The following DOCK4 variants were observed in gnomAD, a reference collection of about 807,000 sequenced individuals.
DOCK4 encodes dedicator of cytokinesis protein 4.
A neutral mutation model predicts 268.1 loss-of-function variants in DOCK4; 97 were observed. The observed-to-expected ratio is 0.36, with a 90% CI of 0.31 to 0.43. DOCK4 has a LOEUF of 0.43. DOCK4 is among the 20% of genes least tolerant of loss of function. The pLI is 1.00. For synonymous variants in DOCK4, 954 were observed against 887.2 expected, an observed-to-expected ratio of 1.08 and a Z score of -1.34; for missense variants, 2,145 against 2,455.7, an observed-to-expected ratio of 0.87 and a Z score of 2.67.
chr7:111,828,690 A>G (rs111902834), intron 26 of DOCK4, among the ~76,000 whole-genome samples: 1,589 of 152,186 alleles, frequency 0.01, 31 homozygotes, highest in African/African-American at 0.036. Context: ...GTCCACAGAA[A>G]GAGGTGTATC....
In DOCK4 at chr7:111,769,625, C is replaced by A. The variant is rs1223800270; in HGVS notation, c.3732G>T (p.Arg1244=). The change falls in exon 37 of 53, where the codon CGG becomes CGT. Residue 1244 remains arginine, a synonymous_variant. Coordinates refer to ENST00000428084, the MANE Select transcript of DOCK4 (RefSeq NM_001363540.2). ...GGTAGGTCAGGAACTCCCTGAGGGG[C>A]CGATCAGACCATTCCAGTAGCTCGT... The part of the protein sequence containing the change: ...LYDELLEWSD[R]PLREFLTYPM... The A allele has an allele frequency of 1.9e-6, 3 of 1,613,664 alleles. No individual in the cohort carries two copies. Among genetic ancestry groups the A allele is most frequent in the Non-Finnish European group, 2.5e-6 (3 of 1,179,836 alleles).
chr7:111,814,216 T>C (rs1344318248), intron 27 of DOCK4, among the ~76,000 whole-genome samples: 1 of 152,218 alleles, frequency 6.6e-6, no homozygotes, highest in South Asian at 2.1e-4. Flanking sequence ...AATTGTTATT[T>C]ACATGGTGGA....
intron 44 of DOCK4, among the ~76,000 whole-genome samples, chr7:111,742,462 C>T (rs547327608): frequency 6.6e-6 from 1 of 152,208 alleles, no homozygotes; most frequent in South Asian, 2.1e-4. Context: ...TTCCTTCTCT[C>T]CCCAGGGTGG....
chr7:111,941,933 C>T (rs1346601612), intron 10 of DOCK4, among the ~76,000 whole-genome samples: 1 of 152,220 alleles, frequency 6.6e-6, no homozygotes, highest in African/African-American at 2.4e-5. Context: ...AAACCTCCAC[C>T]TGACTCATGT....
At chr7:111,763,064 A>C (rs1035550653) in intron 39 of DOCK4, among the ~76,000 whole-genome samples, 1 of 151,680 alleles carries the variant, frequency 6.6e-6, no homozygotes, top group Non-Finnish European at 1.5e-5. Flanking sequence ...TACCGTGCCC[A>C]GCTAAATAAC....
Position 111,736,962 on chromosome 7 carries a change from C to G in DOCK4, c.5260G>C (p.Gly1754Arg). The G allele has an allele frequency of 6.2e-7, 1 of 1,604,778 alleles. No individual in the cohort carries two copies. The highest frequency in any genetic ancestry group is 8.5e-7 in the Non-Finnish European group (1 of 1,175,648). ...QRMLFNHIGDGALPRSDPNLS... is the reference protein window; with the variant it reads ...QRMLFNHIGDRALPRSDPNLS... ...TTTGGGTCACTGCGTGGCAAGGCCC[C>G]GTCTCCAATATGATTAAACAGCATC... The change falls in exon 50 of 53, where the codon GGG (glycine) becomes CGG (arginine). Residue 1754 changes from glycine to arginine, a missense_variant. Around this residue, in one of 2 missense-constraint regions of DOCK4, gnomAD observed 547 missense variants for 469.0 expected, o/e 1.17. Transcript: ENST00000428084.
Position 111,872,494 on chromosome 7 carries a change from TTTTAA to T in DOCK4, c.1810_1814del (p.Leu604ArgfsTer3). 2 of 1,601,380 alleles carry T rather than the reference TTTTAA, an allele frequency of 1.2e-6. No homozygotes were observed. Among genetic ancestry groups the T allele is most frequent in the Non-Finnish European group, 1.7e-6 (2 of 1,173,022 alleles). On this transcript the variant is annotated frameshift_variant, in exon 18 of 53. Coordinates refer to ENST00000428084, the MANE Select transcript of DOCK4 (RefSeq NM_001363540.2). LOFTEE classifies it high-confidence loss of function. ...TTACTATCTCTGAGCCATCAATTTC[TTTTAA>T]TTTAGAGAGACAGCCAGTGATCTTG...
chr7:112,204,882 AACACACACAC>A (rs34706974), intron 1 of DOCK4, among the ~76,000 whole-genome samples: 9 of 149,912 alleles, frequency 6.0e-5, no homozygotes, highest in South Asian at 4.3e-4. Flanking sequence ...TCAATTTTAA[AACACACACAC>A]ACACACACAC....
intron 7 of DOCK4, among the ~76,000 whole-genome samples, chr7:111,978,903 TTAATA>T (rs1798401004): frequency 6.6e-6 from 1 of 152,162 alleles, no homozygotes; most frequent in Admixed American, 6.5e-5. Flanking sequence ...GGCTTGTGTA[TTAATA>T]GAACGGGTGC....
chr7:112,056,611 C>A (rs1262355525), intron 1 of DOCK4, among the ~76,000 whole-genome samples: 1 of 152,132 alleles, frequency 6.6e-6, no homozygotes, highest in Non-Finnish European at 1.5e-5. Flanking sequence ...GACTGGAGTG[C>A]ACCTGGGCCC....
intron 1 of DOCK4, among the ~76,000 whole-genome samples, chr7:112,090,571 T>C (rs1373025414): frequency 6.6e-6 from 1 of 152,210 alleles, no homozygotes; most frequent in African/African-American, 2.4e-5. Flanking sequence ...CTTTTTAAAG[T>C]TGAAAACTAC....
chr7:111,951,818 C>A (rs562088145), intron 8 of DOCK4, among the ~76,000 whole-genome samples: 5 of 151,766 alleles, frequency 3.3e-5, no homozygotes, highest in African/African-American at 9.7e-5. Flanking sequence ...GAGCCATGAT[C>A]GCACCACTGT....
chr7:111,887,403 G>A (rs888258678), intron 16 of DOCK4, among the ~76,000 whole-genome samples: 6 of 152,106 alleles, frequency 3.9e-5, no homozygotes, highest in African/African-American at 1.4e-4. Context: ...AGACACAGAT[G>A]GTAGCCAAGG....
chr7:112,108,760 A>G (rs1313811220), intron 1 of DOCK4, among the ~76,000 whole-genome samples: 1 of 152,256 alleles, frequency 6.6e-6, no homozygotes, highest in Non-Finnish European at 1.5e-5. Flanking sequence ...ATGTCAAAAT[A>G]CCCACACGAT....
chr7:112,130,467 T>C (rs1196494278), intron 1 of DOCK4, among the ~76,000 whole-genome samples: 2 of 152,216 alleles, frequency 1.3e-5, no homozygotes, highest in African/African-American at 4.8e-5. Context: ...CAAGATGTCA[T>C]GGTTCTCCCA....
intron 1 of DOCK4, among the ~76,000 whole-genome samples, chr7:112,024,523 C>T (rs7797561): frequency 0.13 from 19,161 of 152,078 alleles, 2,653 homozygotes; most frequent in East Asian, 0.34. Flanking sequence ...CTTACATCCT[C>T]TACCCAACCC....
In DOCK4 at chr7:111,778,355, A is replaced by G; in HGVS notation, c.3600T>C (p.Thr1200=). 1.9e-6 allele frequency: 3 copies of G among 1,610,452 alleles called. No homozygotes were observed. Among genetic ancestry groups the G allele is most frequent in the Non-Finnish European group, 2.5e-6 (3 of 1,177,086 alleles). Residue 1200 remains threonine, a synonymous_variant, in exon 36 of 53, where the codon ACT becomes ACC. Transcript: ENST00000428084. The stretch of plus-strand genomic sequence containing the variant: ...TATACATCTCCTCCTTGTTCAGTTC[A>G]GTCTTATAGAAGTTCTGTAAAAAAA... ...CTVSLLNFYK[T]ELNKEEMYIR...
At chr7:111,986,497 T>A (rs1799063788) in intron 6 of DOCK4, among the ~76,000 whole-genome samples, 1 of 152,122 alleles carries the variant, frequency 6.6e-6, no homozygotes, top group South Asian at 2.1e-4. Context: ...CAGAGTAGAA[T>A]CAAGGAAGTG....
rs1179559034 is a variant in DOCK4 at position 111,726,951 on chromosome 7, A to G, written c.*1323T>C. On this transcript the variant is annotated 3_prime_UTR_variant, in exon 53 of 53. Transcript: ENST00000428084. ...CTTCCAGGTAAGCTACCAACAAAAC[A>G]AACATGGTTAAACTAAAATGAGCTT... is the stretch of plus-strand genomic sequence containing the variant. 1.3e-5 allele frequency: 2 copies of G among 152,680 alleles called. No homozygotes were observed. The highest frequency in any genetic ancestry group is 2.9e-5 in the Non-Finnish European group (2 of 68,046). The allele number at this position is 152,680 out of a possible 1,614,324, so 9.5% of individuals were successfully genotyped here.
Sources: gnomAD v4.1 joint callset for allele counts (sites outside exome capture counted in the v4.1 genomes callset) on GRCh38, gnomAD v4.1.1 for gene constraint, gnomAD v4.1.1 regional missense constraint, MANE v1.5 for transcripts, NCBI Gene and HGNC (gene_info 2026-07-23, HGNC 2026-07-21) for gene names.